The following SUMF1 variants were observed in gnomAD, a reference collection of about 807,000 sequenced individuals.
The protein encoded by SUMF1 is sulfatase modifying factor 1.
Under a neutral mutation model 47.6 loss-of-function variants are expected in SUMF1, and 48 were observed. The observed-to-expected ratio is 1.01, with a 90% CI of 0.80 to 1.28. The LOEUF (loss-of-function observed/expected upper bound fraction) is 1.28. Among genes scored for constraint, SUMF1 ranks in the 50% most tolerant of loss-of-function variants. The pLI is 0.00. For missense variants in SUMF1, 571 were observed against 485.4 expected (o/e 1.18, Z -1.66); for synonymous variants, 230 against 192.1 (o/e 1.20, Z -1.63).
chr3:4,122,335 T>A (rs192147068), intron 8 of SUMF1, among the ~76,000 whole-genome samples: 1 of 152,268 alleles, frequency 6.6e-6, no homozygotes, highest in Admixed American at 6.5e-5. Flanking sequence ...CTATGAAATA[T>A]TCGGAATAGG....
At chr3:4,260,204 G>A (rs1697055659) in intron 8 of SUMF1, among the ~76,000 whole-genome samples, 1 of 152,102 alleles carries the variant, frequency 6.6e-6, no homozygotes, top group Non-Finnish European at 1.5e-5. Context: ...ATATGCAAAT[G>A]CTCGCACAGG....
At chr3:4,206,315 A>G (rs996048948) in intron 8 of SUMF1, among the ~76,000 whole-genome samples, 1 of 151,978 alleles carries the variant, frequency 6.6e-6, no homozygotes, top group Admixed American at 6.6e-5. Context: ...CAAGCCCAGC[A>G]AAGCACCAGA....
At chr3:4,466,303 G>C (rs1159255958) in intron 1 of SUMF1, among the ~76,000 whole-genome samples, 1 of 152,060 alleles carries the variant, frequency 6.6e-6, no homozygotes, top group Non-Finnish European at 1.5e-5. Flanking sequence ...GTAGAGACGG[G>C]GTTTCGCCAT....
chr3:4,164,282 G>T (rs1273387562), intron 8 of SUMF1, among the ~76,000 whole-genome samples: 1 of 152,162 alleles, frequency 6.6e-6, no homozygotes, highest in African/African-American at 2.4e-5. Context: ...GATTAACACT[G>T]AGAAGGCCAT....
intron 8 of SUMF1, among the ~76,000 whole-genome samples, chr3:4,326,652 G>A (rs181065595): frequency 2.2e-4 from 34 of 151,578 alleles, no homozygotes; most frequent in Middle Eastern, 3.4e-3. Context: ...TGAGTAGCTC[G>A]GACTACAGAT....
chr3:4,066,000 A>G (rs1347569567), intron 9 of SUMF1, among the ~76,000 whole-genome samples: 1 of 152,086 alleles, frequency 6.6e-6, no homozygotes, highest in Non-Finnish European at 1.5e-5. Context: ...TTCCTGCTCC[A>G]TTGTCTAAAC....
At chr3:4,422,087 A>G (rs557101636) in intron 3 of SUMF1, among the ~76,000 whole-genome samples, 101 of 152,364 alleles carry the variant, frequency 6.6e-4, no homozygotes, top group Middle Eastern at 3.4e-3. Context: ...AAATGACACT[A>G]TAGCAAGGTG....
chr3:4,239,835 C>A (rs1696497785), intron 8 of SUMF1, among the ~76,000 whole-genome samples: 1 of 152,102 alleles, frequency 6.6e-6, no homozygotes, highest in African/African-American at 2.4e-5. Flanking sequence ...GAGAGGGCAT[C>A]CTTGTCTTAT....
intron 8 of SUMF1, among the ~76,000 whole-genome samples, chr3:4,349,257 C>T (rs1699437208): frequency 3.3e-5 from 5 of 152,184 alleles, no homozygotes; most frequent in Admixed American, 1.3e-4. Flanking sequence ...AGCTCAACAT[C>T]ACTGATCATC....
chr3:4,176,509 G>A (rs1296115697), intron 8 of SUMF1, among the ~76,000 whole-genome samples: 2 of 152,092 alleles, frequency 1.3e-5, no homozygotes, highest in Non-Finnish European at 2.9e-5. Context: ...GTCACCACCA[G>A]GCCTGCCTTA....
intron 8 of SUMF1, among the ~76,000 whole-genome samples, chr3:4,211,195 C>CACACATATATATACATATACAT (rs1559569917): frequency 3.5e-5 from 2 of 57,544 alleles, no homozygotes; most frequent in Non-Finnish European, 7.0e-5. Flanking sequence ...TATACATATA[C>CACACATATATATACATATACAT]ATACATACAT....
chr3:4,277,124 C>T (rs1697436469), intron 8 of SUMF1, among the ~76,000 whole-genome samples: 1 of 152,142 alleles, frequency 6.6e-6, no homozygotes, highest in Non-Finnish European at 1.5e-5. Flanking sequence ...CCTCCTCACT[C>T]CCAATCCCCC....
intron 8 of SUMF1, among the ~76,000 whole-genome samples, chr3:4,212,636 C>T (rs1368664163): frequency 6.6e-6 from 1 of 152,066 alleles, no homozygotes; most frequent in African/African-American, 2.4e-5. Context: ...CATGCTGTAA[C>T]TCAATGCAAG....
intron 9 of SUMF1, among the ~76,000 whole-genome samples, chr3:4,058,453 T>C (rs963502685): frequency 6.6e-6 from 1 of 152,012 alleles, no homozygotes; most frequent in Non-Finnish European, 1.5e-5. Flanking sequence ...ATGTACTAGA[T>C]ATGGAATACC....
chr3:4,281,375 G>C (rs1012785640), intron 8 of SUMF1, among the ~76,000 whole-genome samples: 2 of 152,132 alleles, frequency 1.3e-5, no homozygotes, highest in East Asian at 1.9e-4. Context: ...CAGAGAAAAG[G>C]AAAGAGTAAC....
chr3:4,457,497 A>G (rs979347911), intron 1 of SUMF1, among the ~76,000 whole-genome samples: 1 of 152,224 alleles, frequency 6.6e-6, no homozygotes, highest in Admixed American at 6.5e-5. Flanking sequence ...ACTTCAAAAT[A>G]TACTACAAAC....
intron 8 of SUMF1, among the ~76,000 whole-genome samples, chr3:4,257,679 A>AT (rs1331367511): frequency 1.3e-5 from 2 of 150,218 alleles, no homozygotes; most frequent in Non-Finnish European, 3.0e-5. Flanking sequence ...GAAAATGGCC[A>AT]TACTGCCCAA....
intron 8 of SUMF1, among the ~76,000 whole-genome samples, chr3:4,294,388 C>A (rs1697801624): frequency 6.6e-6 from 1 of 152,074 alleles, no homozygotes; most frequent in Non-Finnish European, 1.5e-5. Flanking sequence ...CACTGCAAGA[C>A]CCTATCTCTA....
chr3:4,456,753 CGTGT>C (rs372417392), intron 1 of SUMF1, among the ~76,000 whole-genome samples: 763 of 19,476 alleles, frequency 0.039, 37 homozygotes, highest in East Asian at 0.09. Context: ...CACATATATA[CGTGT>C]GTGTGTATAT....
Sources: gnomAD v4.1 joint callset for allele counts (sites outside exome capture counted in the v4.1 genomes callset) on GRCh38, gnomAD v4.1.1 for gene constraint, MANE v1.5 for transcripts, NCBI Gene and HGNC (gene_info 2026-07-23, HGNC 2026-07-21) for gene names.